Variants in NLGN1 observed in about 807,000 individuals in gnomAD.
The protein encoded by NLGN1 is neuroligin-1.
In NLGN1, 12 loss-of-function variants were observed where a neutral mutation model predicts 65.5. That is an observed-to-expected ratio of 0.18 (90% CI 0.12 to 0.30). The LOEUF is 0.30. Among genes scored for constraint, NLGN1 ranks in the 10% least tolerant of loss-of-function variants. NLGN1 has a pLI of 1.00. For missense variants in NLGN1, 750 were observed against 1,007.1 expected (o/e 0.74, Z 3.46); for synonymous variants, 350 against 359.5 (o/e 0.97, Z 0.30).
At chr3:173,425,256 T>G (rs1268007486) in intron 1 of NLGN1, among the ~76,000 whole-genome samples, 1 of 152,148 alleles carries the variant, frequency 6.6e-6, no homozygotes, top group Non-Finnish European at 1.5e-5. Context: ...CAATTCACGA[T>G]GAGATTTGGG....
chr3:173,401,373 TTTTTG>T, intron 1 of NLGN1, among the ~76,000 whole-genome samples: 1 of 152,086 alleles, frequency 6.6e-6, no homozygotes, highest in East Asian at 1.9e-4. Flanking sequence ...CCCCTGTTTT[TTTTTG>T]TTTTGTTTTG....
intron 3 of NLGN1, among the ~76,000 whole-genome samples, chr3:173,781,768 TCC>T (rs1781201214): frequency 6.6e-6 from 1 of 152,212 alleles, no homozygotes. Context: ...GTCAGAAGAA[TCC>T]ACTGAAGCAA....
At chr3:173,687,441 A>T (rs1197176162) in intron 3 of NLGN1, among the ~76,000 whole-genome samples, 1 of 152,232 alleles carries the variant, frequency 6.6e-6, no homozygotes, top group East Asian at 1.9e-4. Context: ...GCTAAAAGGC[A>T]GACAGATACA....
intron 4 of NLGN1, among the ~76,000 whole-genome samples, chr3:174,170,792 T>C (rs941147381): frequency 3.9e-5 from 6 of 152,194 alleles, no homozygotes; most frequent in Admixed American, 6.5e-5. Flanking sequence ...ATTTAAGTAG[T>C]ATTAGTATAG....
chr3:173,479,660 A>G (rs1349338556), intron 2 of NLGN1, among the ~76,000 whole-genome samples: 1 of 152,172 alleles, frequency 6.6e-6, no homozygotes. Flanking sequence ...CTCAGATCAC[A>G]GACAGAGGAG....
intron 3 of NLGN1, among the ~76,000 whole-genome samples, chr3:173,764,076 T>C (rs1393922652): frequency 6.6e-6 from 1 of 152,194 alleles, no homozygotes; most frequent in African/African-American, 2.4e-5. Context: ...GATCACTCTT[T>C]GAAGTTGCCT....
At chr3:173,966,747 AT>A (rs1714961739) in intron 4 of NLGN1, among the ~76,000 whole-genome samples, 1 of 152,146 alleles carries the variant, frequency 6.6e-6, no homozygotes, top group African/African-American at 2.4e-5. Flanking sequence ...AATAGACAAA[AT>A]TTTTTCTTAA....
At chr3:173,820,180 A>G (rs2861603) in intron 4 of NLGN1, among the ~76,000 whole-genome samples, 874 of 7,748 alleles carry the variant, frequency 0.11, 8 homozygotes, top group Non-Finnish European at 0.19. Flanking sequence ...TTCAGTCTCG[A>G]AAAAAAAAAA....
chr3:174,077,511 A>G (rs562320630), intron 4 of NLGN1, among the ~76,000 whole-genome samples: 77 of 152,150 alleles, frequency 5.1e-4, no homozygotes, highest in South Asian at 5.0e-3. Context: ...ATGAGGAAAT[A>G]TATATATTTA....
chr3:173,398,299 C>T (rs1158134841), upstream of NLGN1: 1 of 152,320 alleles, frequency 6.6e-6, no homozygotes, highest in East Asian at 1.9e-4. Flanking sequence ...TCTTCTTCCC[C>T]ACAACGTTTC....
intron 1 of NLGN1, among the ~76,000 whole-genome samples, chr3:173,433,072 A>G (rs967867750): frequency 1.3e-5 from 2 of 152,068 alleles, no homozygotes; most frequent in African/African-American, 4.8e-5. Context: ...CTCCCTTTTC[A>G]TATTTGCAAC....
chr3:173,618,657 G>T (rs536322998), intron 3 of NLGN1, among the ~76,000 whole-genome samples: 10 of 152,166 alleles, frequency 6.6e-5, no homozygotes, highest in Non-Finnish European at 1.3e-4. Context: ...GCTGATAAAT[G>T]AAGGAGCATT....
chr3:173,869,748 A>G (rs898938723), intron 4 of NLGN1, among the ~76,000 whole-genome samples: 4 of 152,170 alleles, frequency 2.6e-5, no homozygotes, highest in African/African-American at 9.6e-5. Context: ...CTACTCCCCA[A>G]TATTTTTTTA....
chr3:173,463,845 G>A (rs533710574), intron 2 of NLGN1, among the ~76,000 whole-genome samples: 2 of 152,090 alleles, frequency 1.3e-5, no homozygotes, highest in African/African-American at 4.8e-5. Flanking sequence ...CTCACTAAAT[G>A]ATTTTGTTTT....
chr3:174,227,916 A>G (rs1047347761), intron 4 of NLGN1, among the ~76,000 whole-genome samples: 8 of 152,122 alleles, frequency 5.3e-5, no homozygotes, highest in African/African-American at 1.9e-4. Flanking sequence ...TGGCCACTGT[A>G]TGAGCATAAA....
chr3:173,638,939 T>A (rs181224767), intron 3 of NLGN1, among the ~76,000 whole-genome samples: 1 of 152,258 alleles, frequency 6.6e-6, no homozygotes, highest in African/African-American at 2.4e-5. Flanking sequence ...GTAGTATTTA[T>A]GAAAACAGAA....
chr3:173,785,779 G>A (rs1235422244), intron 3 of NLGN1, among the ~76,000 whole-genome samples: 1 of 152,110 alleles, frequency 6.6e-6, no homozygotes, highest in Non-Finnish European at 1.5e-5. Flanking sequence ...TTGTTTGGGA[G>A]TAGACCGTAC....
chr3:174,132,655 G>A (rs966958173), intron 4 of NLGN1, among the ~76,000 whole-genome samples: 4 of 152,102 alleles, frequency 2.6e-5, no homozygotes, highest in Non-Finnish European at 4.4e-5. Context: ...AGTGTTCAAG[G>A]TAGACTCAGT....
intron 4 of NLGN1, among the ~76,000 whole-genome samples, chr3:173,845,902 C>A (rs13067039): frequency 0.16 from 25,026 of 151,846 alleles, 2,477 homozygotes; most frequent in East Asian, 0.32. Flanking sequence ...AGTCATATAA[C>A]CACCTTTGTA....
Sources: gnomAD v4.1 joint callset for allele counts (sites outside exome capture counted in the v4.1 genomes callset) on GRCh38, gnomAD v4.1.1 for gene constraint, MANE v1.5 for transcripts, NCBI Gene and HGNC (gene_info 2026-07-23, HGNC 2026-07-21) for gene names.